The following CNGA1 variants were observed in gnomAD, a reference collection of about 807,000 sequenced individuals.
CNGA1 encodes cyclic nucleotide gated channel subunit alpha 1, also known as cyclic nucleotide-gated channel alpha-1.
Under a neutral mutation model 69.7 loss-of-function variants are expected in CNGA1, and 53 were observed. The observed-to-expected ratio is 0.76, with a 90% CI of 0.61 to 0.96. The LOEUF (loss-of-function observed/expected upper bound fraction) is 0.96, where lower values mean the gene tolerates loss of function less well. CNGA1 is among the 40% of genes least tolerant of loss of function. The pLI, the probability that CNGA1 is intolerant of heterozygous loss-of-function variation, is 0.00. For synonymous variants in CNGA1, 249 were observed against 283.5 expected (o/e 0.88, Z 1.22); for missense variants, 739 against 811.2 (o/e 0.91, Z 1.08).
intron 3 of CNGA1, among the ~76,000 whole-genome samples, chr4:47,965,712 C>A (rs1159291230): frequency 6.6e-6 from 1 of 152,172 alleles, no homozygotes; most frequent in Non-Finnish European, 1.5e-5. Flanking sequence ...CAGGTGTGAG[C>A]CACCATGCCT....
chr4:47,940,743 T>G lies in CNGA1; in HGVS notation c.652+20A>C. 1 of 1,431,524 alleles carries G rather than the reference T, an allele frequency of 7.0e-7. No individual in the cohort carries two copies. Among genetic ancestry groups the G allele is most frequent in the Non-Finnish European group, 9.9e-7 (1 of 1,014,828 alleles). 88.7% of individuals were successfully genotyped at this position (1,431,524 alleles called of 1,614,324 possible). On this transcript the variant is annotated intron_variant, in intron 10 of 10. Transcript: ENST00000514170. ...ATAAAAGCATGAAATTTTAAAATAT[T>G]CAAAACTGAACATATTTACCTGTCC...
chr4:48,009,239 G>A (rs1026896731), intron 2 of CNGA1, among the ~76,000 whole-genome samples: 2 of 152,068 alleles, frequency 1.3e-5, no homozygotes, highest in African/African-American at 4.8e-5. Context: ...GGCCTAGGTG[G>A]GTGGATCATG....
Position 47,971,114 on chromosome 4 carries a change from A to T in CNGA1, c.-15+10279T>A, listed in dbSNP as rs536759210. 1.2e-3 allele frequency: 549 copies of T among 453,300 alleles called. 9 individuals carry two copies. The highest frequency in any genetic ancestry group is 6.5e-3 in the South Asian group (416 of 63,982). The allele number at this position is 453,300 out of a possible 1,614,324, so 28.1% of individuals were successfully genotyped here. A position where few individuals can be genotyped will look rare whatever the true frequency, so the allele number is the denominator to read the frequency against. On this transcript the variant is annotated intron_variant, in intron 3 of 10. Transcript: ENST00000514170. ...GCGAGACTCCATCTAAAAAAAAAAA[A>T]TACAGTATGCTACCATTTGTAGGAA...
chr4:47,963,304 C>A (rs1382354947), intron 3 of CNGA1, among the ~76,000 whole-genome samples: 1 of 152,212 alleles, frequency 6.6e-6, no homozygotes, highest in Non-Finnish European at 1.5e-5. Context: ...GTTTATATTA[C>A]AAGGTGTGAT....
At chr4:47,960,689 T>A in intron 3 of CNGA1, among the ~76,000 whole-genome samples, 1 of 149,726 alleles carries the variant, frequency 6.7e-6, no homozygotes, top group South Asian at 2.2e-4. Flanking sequence ...TTTTCATCAA[T>A]AGAGGAATGG....
chr4:47,937,020 C>A lies in CNGA1; in HGVS notation c.1462G>T (p.Val488Phe). 1 of 1,614,144 alleles carries A rather than the reference C, an allele frequency of 6.2e-7. No homozygotes were observed. The highest frequency in any genetic ancestry group is 1.1e-5 in the South Asian group (1 of 91,078). ...TAGACTTGGGGTTGCAATTTCAAGA[C>A]CAACTCCACCAACAGACCAGCTTCA... is the stretch of plus-strand genomic sequence containing the variant. The part of the protein sequence containing the change: ...DCEAGLLVEL[V>F]LKLQPQVYSP... The change falls in exon 11 of 11, where the codon GTC (valine) becomes TTC (phenylalanine). Residue 488 changes from valine to phenylalanine, a missense_variant. Val to Phe is a conservative substitution (Grantham distance 50). Transcript: ENST00000514170.
At chr4:47,985,574 A>G (rs1488317767) in intron 2 of CNGA1, among the ~76,000 whole-genome samples, 9 of 152,200 alleles carry the variant, frequency 5.9e-5, no homozygotes, top group Non-Finnish European at 1.2e-4. Flanking sequence ...GCCAACTTAA[A>G]TCTTGGTCAA....
intron 3 of CNGA1, among the ~76,000 whole-genome samples, chr4:47,980,826 GA>G (rs1372074172): frequency 2.0e-5 from 3 of 151,674 alleles, no homozygotes. Flanking sequence ...TTATTTAAAA[GA>G]AGGCAAGGTG....
intron 5 of CNGA1, 75 bp from the exon 6 acceptor site, chr4:47,949,970 G>GA (rs1372229990): frequency 7.6e-7 from 1 of 1,316,228 alleles, no homozygotes; most frequent in African/African-American, 1.4e-5. Flanking sequence ...CAAATGGTCT[G>GA]AAAAAACAAA....
intron 6 of CNGA1, among the ~76,000 whole-genome samples, 157 bp downstream of exon 6, chr4:47,949,676 C>T (rs2110154304): frequency 6.6e-6 from 1 of 152,280 alleles, no homozygotes; most frequent in Non-Finnish European, 1.5e-5. Flanking sequence ...AATGAATGAA[C>T]ACTACTTTTC....
chr4:48,006,633 T>A (rs914039410), intron 2 of CNGA1, among the ~76,000 whole-genome samples: 2 of 103,770 alleles, frequency 1.9e-5, no homozygotes, highest in African/African-American at 7.5e-5. Flanking sequence ...AGACATAATT[T>A]TTTTTTGAGA....
Position 47,944,177 on chromosome 4 carries a change from C to T in CNGA1, c.288-765G>A, listed in dbSNP as rs115131888. Among the ~76,000 whole-genome samples, 643 of 152,232 alleles carry T rather than the reference C, an allele frequency of 4.2e-3. 7 individuals carry two copies. Among genetic ancestry groups the T allele is most frequent in the African/African-American group, 0.015 (636 of 41,560 alleles). ...CTTTTAAAGGGAAGTAGTTCTAAAG[C>T]TAGGCCTCAAAGTATCACTAAGACT... On this transcript the variant is annotated intron_variant, in intron 6 of 10. Transcript: ENST00000514170.
At chr4:47,983,331 C>T (rs1183709659) in intron 2 of CNGA1, among the ~76,000 whole-genome samples, 1 of 152,104 alleles carries the variant, frequency 6.6e-6, no homozygotes, top group Admixed American at 6.5e-5. Context: ...TGGCTCACGC[C>T]TGTAATCCCA....
At chr4:47,999,692 G>A (rs770672161) in intron 2 of CNGA1, among the ~76,000 whole-genome samples, 15 of 152,104 alleles carry the variant, frequency 9.9e-5, no homozygotes, top group Non-Finnish European at 1.8e-4. Context: ...CCAAAATGGT[G>A]AAATCCCGTC....
intron 3 of CNGA1, among the ~76,000 whole-genome samples, chr4:47,960,088 A>G (rs1253146674): frequency 6.6e-6 from 1 of 152,214 alleles, no homozygotes; most frequent in Admixed American, 6.5e-5. Context: ...AAACAACCCA[A>G]TAAAAATATA....
At chr4:48,000,730 A>C (rs1714631889) in intron 2 of CNGA1, among the ~76,000 whole-genome samples, 1 of 47,908 alleles carries the variant, frequency 2.1e-5, no homozygotes, top group African/African-American at 5.2e-5. Context: ...CATTACATAC[A>C]GTGGGGGAAG....
intron 3 of CNGA1, among the ~76,000 whole-genome samples, chr4:47,980,967 T>C (rs1260563755): frequency 6.6e-6 from 1 of 152,194 alleles, no homozygotes; most frequent in Admixed American, 6.6e-5. Context: ...AAGTATCTGA[T>C]ACTTAAGTTT....
In CNGA1 at chr4:47,936,917, A is replaced by G. The variant is rs1323023562; in HGVS notation, c.1565T>C (p.Val522Ala). The change falls in exon 11 of 11, where the codon GTG (valine) becomes GCG (alanine). Residue 522 changes from valine to alanine, a missense_variant. Coordinates refer to ENST00000514170, the MANE Select transcript of CNGA1 (RefSeq NM_001379270.1). ...MYIIKEGKLA[V>A]VADDGVTQFV... ...CTGAGTGACTCCATCATCTGCCACCACAGCGAGTTTGCCTTCCTTGATAAT... is the reference window on the plus strand; with the variant it reads ...CTGAGTGACTCCATCATCTGCCACCGCAGCGAGTTTGCCTTCCTTGATAAT... 3 of 1,614,022 alleles carry G rather than the reference A, an allele frequency of 1.9e-6. No homozygotes were observed. Among genetic ancestry groups the G allele is most frequent in the Admixed American group, 1.7e-5 (1 of 59,998 alleles).
intron 1 of CNGA1, among the ~76,000 whole-genome samples, chr4:48,015,165 G>A (rs1434865399): frequency 6.6e-6 from 1 of 152,248 alleles, no homozygotes; most frequent in Non-Finnish European, 1.5e-5. Flanking sequence ...GCGACAGAGC[G>A]AGACTCCGTC....
Sources: allele counts gnomAD v4.1 joint callset (sites outside exome capture counted in the v4.1 genomes callset), GRCh38; gene constraint gnomAD v4.1.1; transcripts MANE v1.5; gene names NCBI Gene and HGNC (gene_info 2026-07-23, HGNC 2026-07-21).